The following SRGAP2C variants were observed in gnomAD, a reference collection of about 807,000 sequenced individuals.
The protein encoded by SRGAP2C is SLIT-ROBO Rho GTPase-activating protein 2C.
SRGAP2C carries 15 observed loss-of-function variants against 25.1 expected under a neutral mutation model. That is an observed-to-expected ratio of 0.60 (90% CI 0.40 to 0.92). The LOEUF is 0.92. Among genes scored for constraint, SRGAP2C ranks in the 40% least tolerant of loss-of-function variants. The probability of loss-of-function intolerance (pLI) is 0.00; values close to 1 mark genes in which losing one functional copy is unlikely to be tolerated. For synonymous variants in SRGAP2C, 44 were observed against 96.6 expected, an observed-to-expected ratio of 0.46 and a Z score of 3.19; for missense variants, 144 against 264.4, an observed-to-expected ratio of 0.54 and a Z score of 3.16.
intron 4 of SRGAP2C, among the ~76,000 whole-genome samples, chr1:121,335,347 T>A (rs1193659808): frequency 1.4e-4 from 10 of 72,520 alleles, no homozygotes; most frequent in Non-Finnish European, 2.5e-4. Context: ...TCTCAAAAAA[T>A]AAATAAATAA....
chr1:121,384,844 C>T (rs1197636518), intron 8 of SRGAP2C, among the ~76,000 whole-genome samples: 1 of 152,158 alleles, frequency 6.6e-6, no homozygotes, highest in East Asian at 1.9e-4. Flanking sequence ...ATCAGCTCTG[C>T]TACTTCTTAA....
chr1:121,282,647 C>T (rs1276307453), intron 2 of SRGAP2C, among the ~76,000 whole-genome samples: 150 of 152,010 alleles, frequency 9.9e-4, no homozygotes, highest in African/African-American at 3.3e-3. Context: ...CTCCGCCTCC[C>T]GGGTTCACGC....
chr1:121,368,383 G>C (rs1381951967), intron 5 of SRGAP2C, among the ~76,000 whole-genome samples: 1 of 142,520 alleles, frequency 7.0e-6, no homozygotes, highest in East Asian at 2.2e-4. Context: ...CCAGCCTGGG[G>C]GACAGAGCAA....
intron 4 of SRGAP2C, among the ~76,000 whole-genome samples, chr1:121,343,617 T>C (rs1413622163): frequency 9.1e-6 from 1 of 109,566 alleles, no homozygotes; most frequent in Non-Finnish European, 1.9e-5. Context: ...AGAGATCTCT[T>C]AGTTGGAAAA....
chr1:121,319,214 G>A (rs1658148472), intron 3 of SRGAP2C, among the ~76,000 whole-genome samples: 2 of 149,774 alleles, frequency 1.3e-5, no homozygotes, highest in Admixed American at 6.7e-5. Context: ...TGGCCCAAAA[G>A]GAAACACACC....
chr1:121,291,126 T>TG (rs1657483152), intron 3 of SRGAP2C, among the ~76,000 whole-genome samples: 1 of 114,250 alleles, frequency 8.8e-6, no homozygotes, highest in East Asian at 2.2e-4. Context: ...AAAAAAAAAG[T>TG]GGGGGGAGTG....
intron 2 of SRGAP2C, among the ~76,000 whole-genome samples, chr1:121,267,383 G>T (rs1252542155): frequency 2.7e-5 from 4 of 150,826 alleles, no homozygotes; most frequent in African/African-American, 9.8e-5. Flanking sequence ...GTAGAGATGG[G>T]GTTCTGCCAT....
At chr1:121,337,651 A>AAATAAATT (rs1229216232) in intron 4 of SRGAP2C, among the ~76,000 whole-genome samples, 1 of 149,092 alleles carries the variant, frequency 6.7e-6, no homozygotes, top group Non-Finnish European at 1.5e-5. Context: ...ATAAATAAAT[A>AAATAAATT]AATAAATAAA....
chr1:121,201,894 C>T (rs1553321759), intron 2 of SRGAP2C, among the ~76,000 whole-genome samples: 1 of 152,176 alleles, frequency 6.6e-6, no homozygotes, highest in African/African-American at 2.4e-5. Flanking sequence ...GTTTTCAGGG[C>T]ATGGGAACCC....
chr1:121,322,146 T>C (rs1436198169), intron 3 of SRGAP2C, among the ~76,000 whole-genome samples: 1 of 149,790 alleles, frequency 6.7e-6, no homozygotes, highest in African/African-American at 2.5e-5. Context: ...ACCCCCCCAA[T>C]CCATCTTCTT....
At chr1:121,213,177 C>T (rs1402537375) in intron 2 of SRGAP2C, among the ~76,000 whole-genome samples, 4 of 149,338 alleles carry the variant, frequency 2.7e-5, no homozygotes, top group African/African-American at 9.8e-5. Flanking sequence ...ACCCCGGTAG[C>T]TGGGATTACA....
At chr1:121,335,440 A>G (rs1166975499) in intron 4 of SRGAP2C, among the ~76,000 whole-genome samples, 1 of 141,120 alleles carries the variant, frequency 7.1e-6, no homozygotes, top group African/African-American at 2.7e-5. Context: ...ATGCCATCCA[A>G]TGAATTTTTT....
chr1:121,295,919 G>A (rs1292256866), intron 3 of SRGAP2C, among the ~76,000 whole-genome samples: 17 of 152,038 alleles, frequency 1.1e-4, no homozygotes, highest in South Asian at 2.1e-4. Context: ...GCGCCATGAC[G>A]CCAGGCTAAT....
At chr1:121,200,071 GGAGA>G (rs1374883557) in intron 2 of SRGAP2C, among the ~76,000 whole-genome samples, 3 of 150,598 alleles carry the variant, frequency 2.0e-5, no homozygotes, top group East Asian at 4.1e-4. Flanking sequence ...AAAATCGAGG[GGAGA>G]GAGAGTTACT....
At chr1:121,314,873 A>G (rs1658059807) in intron 3 of SRGAP2C, 2 of 574,400 alleles carry the variant, frequency 3.5e-6, no homozygotes, top group Admixed American at 2.5e-5. Context: ...TGTGTCGCTC[A>G]CGCTGGGAGC....
intron 2 of SRGAP2C, among the ~76,000 whole-genome samples, chr1:121,270,970 T>A (rs1382063472): frequency 3.3e-5 from 5 of 149,326 alleles, no homozygotes; most frequent in East Asian, 4.0e-4. Flanking sequence ...TTTTTTTGTA[T>A]TTTTTTTTAG....
intron 3 of SRGAP2C, among the ~76,000 whole-genome samples, chr1:121,309,313 AAC>A (rs1395407853): frequency 7.2e-6 from 1 of 139,456 alleles, no homozygotes; most frequent in African/African-American, 2.7e-5. Context: ...TTAAAAGATA[AAC>A]AGTTATTCAT....
intron 3 of SRGAP2C, among the ~76,000 whole-genome samples, chr1:121,295,731 G>C (rs1299917403): frequency 8.7e-5 from 13 of 149,078 alleles, no homozygotes; most frequent in African/African-American, 3.3e-4. Context: ...GGGCTTTTTT[G>C]TTTTTGTTGT....
intron 4 of SRGAP2C, among the ~76,000 whole-genome samples, chr1:121,337,375 T>G (rs1658541613): frequency 7.8e-6 from 1 of 128,802 alleles, no homozygotes; most frequent in Admixed American, 8.1e-5. Context: ...CTTATGTCTG[T>G]AATCCCAGCA....
Sources: allele counts gnomAD v4.1 joint callset (sites outside exome capture counted in the v4.1 genomes callset), GRCh38; gene constraint gnomAD v4.1.1; transcripts MANE v1.5; gene names NCBI Gene and HGNC (gene_info 2026-07-23, HGNC 2026-07-21).